Variants in NRG3 observed in about 807,000 individuals in gnomAD.
The protein encoded by NRG3 is pro-neuregulin-3, membrane-bound isoform.
Under a neutral mutation model 66.9 loss-of-function variants are expected in NRG3, and 31 were observed. The ratio of observed to expected loss-of-function variants is 0.46; its 90% CI spans 0.35 to 0.63. The LOEUF (loss-of-function observed/expected upper bound fraction) is 0.63, where lower values mean the gene tolerates loss of function less well. NRG3 is among the 20% of genes least tolerant of loss of function. The probability of loss-of-function intolerance (pLI) is 0.00; values close to 1 mark genes in which losing one functional copy is unlikely to be tolerated. For synonymous variants in NRG3, 393 were observed against 359.4 expected, an observed-to-expected ratio of 1.09 and a Z score of -1.06; for missense variants, 910 against 878.9, an observed-to-expected ratio of 1.04 and a Z score of -0.45.
intron 1 of NRG3, among the ~76,000 whole-genome samples, chr10:82,101,613 G>T (rs1225509210): frequency 6.6e-6 from 1 of 151,596 alleles, no homozygotes; most frequent in African/African-American, 2.4e-5. Flanking sequence ...GGATATGTTA[G>T]CTTCTAAATC....
intron 2 of NRG3, among the ~76,000 whole-genome samples, chr10:82,485,276 TA>T (rs1384259381): frequency 6.6e-6 from 1 of 152,028 alleles, no homozygotes; most frequent in African/African-American, 2.4e-5. Flanking sequence ...GATTTTTAGA[TA>T]AACTTGCAAA....
At chr10:82,664,387 C>T (rs751139568) in intron 2 of NRG3, among the ~76,000 whole-genome samples, 54 of 152,110 alleles carry the variant, frequency 3.6e-4, no homozygotes, top group Middle Eastern at 3.4e-3. Context: ...CACACACTTC[C>T]GAGACTGTTT....
At chr10:82,003,968 T>G (rs931590988) in intron 1 of NRG3, among the ~76,000 whole-genome samples, 1 of 147,934 alleles carries the variant, frequency 6.8e-6, no homozygotes, top group African/African-American at 2.5e-5. Context: ...GCCTGGGTGC[T>G]GTAAGGATAC....
At chr10:82,880,714 T>C (rs777101184) in intron 4 of NRG3, among the ~76,000 whole-genome samples, 32 of 152,218 alleles carry the variant, frequency 2.1e-4, no homozygotes, top group Non-Finnish European at 3.8e-4. Context: ...CCAGATTTAG[T>C]CAATAAAAAT....
intron 2 of NRG3, among the ~76,000 whole-genome samples, chr10:82,561,220 T>C (rs1565071762): frequency 1.3e-5 from 2 of 152,302 alleles, no homozygotes; most frequent in Middle Eastern, 3.4e-3. Context: ...GAGGAAGGGA[T>C]AAAATCTTTA....
At chr10:82,829,394 T>A (rs890519196) in intron 3 of NRG3, among the ~76,000 whole-genome samples, 3 of 152,208 alleles carry the variant, frequency 2.0e-5, no homozygotes, top group African/African-American at 7.2e-5. Flanking sequence ...TGGTTTTCTG[T>A]AACAAGTGAG....
intron 1 of NRG3, among the ~76,000 whole-genome samples, chr10:82,086,024 G>A (rs2065704715): frequency 6.6e-6 from 1 of 152,124 alleles, no homozygotes; most frequent in East Asian, 1.9e-4. Flanking sequence ...AAAAGGACAC[G>A]TTCAAACCAC....
At chr10:82,550,379 G>T (rs954704724) in intron 2 of NRG3, among the ~76,000 whole-genome samples, 5 of 152,058 alleles carry the variant, frequency 3.3e-5, no homozygotes, top group Admixed American at 2.6e-4. Flanking sequence ...CCTTGCTGGA[G>T]GGTTCTGTAA....
intron 2 of NRG3, among the ~76,000 whole-genome samples, chr10:82,416,371 T>C (rs1395026855): frequency 6.6e-6 from 1 of 152,148 alleles, no homozygotes; most frequent in African/African-American, 2.4e-5. Context: ...CCTTACATAG[T>C]TTGAACTATG....
chr10:82,803,756 A>G (rs887582184), intron 3 of NRG3, among the ~76,000 whole-genome samples: 1 of 152,186 alleles, frequency 6.6e-6, no homozygotes, highest in Non-Finnish European at 1.5e-5. Context: ...AGACAACAAT[A>G]CTTCTCACAG....
At chr10:82,922,680 G>A (rs1160574989) in intron 4 of NRG3, among the ~76,000 whole-genome samples, 2 of 152,168 alleles carry the variant, frequency 1.3e-5, no homozygotes, top group Non-Finnish European at 2.9e-5. Context: ...TTAGTGTTTT[G>A]AACAGATATT....
intron 2 of NRG3, among the ~76,000 whole-genome samples, chr10:82,487,917 C>T (rs935756955): frequency 3.3e-5 from 5 of 152,214 alleles, no homozygotes; most frequent in African/African-American, 1.2e-4. Flanking sequence ...GATTAAAGAC[C>T]ATCACATGGA....
At chr10:82,502,033 G>T (rs931301985) in intron 2 of NRG3, among the ~76,000 whole-genome samples, 3 of 152,192 alleles carry the variant, frequency 2.0e-5, no homozygotes, top group Non-Finnish European at 4.4e-5. Flanking sequence ...AATCCGAAGA[G>T]ATCCAGTGTC....
intron 2 of NRG3, among the ~76,000 whole-genome samples, chr10:82,547,617 A>G (rs1400366337): frequency 6.6e-6 from 1 of 151,518 alleles, no homozygotes; most frequent in Non-Finnish European, 1.5e-5. Context: ...ATGTACATAT[A>G]CATATATGTG....
At chr10:82,893,063 A>G (rs1487074847) in intron 4 of NRG3, among the ~76,000 whole-genome samples, 1 of 152,226 alleles carries the variant, frequency 6.6e-6, no homozygotes, top group Non-Finnish European at 1.5e-5. Flanking sequence ...GATCAAATAA[A>G]TAATCAAAAA....
chr10:81,875,482 C>T lies in NRG3; in HGVS notation c.142C>T (p.Pro48Ser), dbSNP rs2132418374. The T allele has an allele frequency of 7.4e-7, 1 of 1,346,464 alleles. No individual in the cohort carries two copies. The highest frequency in any genetic ancestry group is 2.3e-5 in the South Asian group (1 of 42,642). The allele number at this position is 1,346,464 out of a possible 1,614,324, so 83.4% of individuals were successfully genotyped here. ...PDGGGEGAAE[P>S]PRELRCSDCI... ...CGGCGGCGGCGAAGGGGCGGCCGAG[C>T]CCCCCCGGGAGTTACGCTGTAGCGA... Residue 48 changes from proline to serine, a missense_variant, in exon 1 of 9, where the codon CCC (proline) becomes TCC (serine). Transcript: ENST00000372141. The surrounding 1 kb of genome is among the most constrained non-coding windows in gnomAD (Gnocchi z 5.3).
intron 1 of NRG3, among the ~76,000 whole-genome samples, chr10:81,999,474 T>A (rs1221447821): frequency 6.6e-6 from 1 of 152,200 alleles, no homozygotes; most frequent in Non-Finnish European, 1.5e-5. Context: ...GACATTTTAT[T>A]ATATTAATTA....
chr10:82,098,023 T>G (rs2066462313), intron 1 of NRG3, among the ~76,000 whole-genome samples: 1 of 150,432 alleles, frequency 6.6e-6, no homozygotes, highest in African/African-American at 2.5e-5. Flanking sequence ...CTTATCCTAT[T>G]GTGAGCTAAC....
intron 3 of NRG3, among the ~76,000 whole-genome samples, chr10:82,752,219 A>T (rs1288917821): frequency 1.3e-5 from 2 of 152,238 alleles, no homozygotes; most frequent in African/African-American, 4.8e-5. Context: ...ATTTTAATTG[A>T]ATTTAATTTT....
Sources: gnomAD v4.1 joint callset for allele counts (sites outside exome capture counted in the v4.1 genomes callset) on GRCh38, gnomAD v4.1.1 for gene constraint, Gnocchi (gnomAD v3.1) non-coding constraint, MANE v1.5 for transcripts, NCBI Gene and HGNC (gene_info 2026-07-23, HGNC 2026-07-21) for gene names.